The following EYS variants were observed in gnomAD, a reference collection of about 807,000 sequenced individuals.
EYS encodes EGF-like photoreceptor maintenance factor, also known as protein eyes shut homolog.
In EYS, 250 loss-of-function variants were observed where a neutral mutation model predicts 282.1. The ratio of observed to expected loss-of-function variants is 0.89; its 90% CI spans 0.80 to 0.98. The LOEUF (loss-of-function observed/expected upper bound fraction) is 0.98. Ranked by LOEUF, EYS falls within the 50% of genes least tolerant of loss-of-function variation. The probability of loss-of-function intolerance (pLI) is 0.00; values close to 1 mark genes in which losing one functional copy is unlikely to be tolerated. For missense variants in EYS, 4,016 were observed against 3,709.0 expected, an observed-to-expected ratio of 1.08 and a Z score of -2.15; for synonymous variants, 1,355 against 1,282.9, an observed-to-expected ratio of 1.06 and a Z score of -1.20.
chr6:65,333,150 T>G (rs1299618947), intron 11 of EYS, among the ~76,000 whole-genome samples: 1 of 151,506 alleles, frequency 6.6e-6, no homozygotes, highest in Non-Finnish European at 1.5e-5. Context: ...TCCATTGTGT[T>G]GTGGAAGTTT....
intron 1 of EYS, among the ~76,000 whole-genome samples, chr6:65,664,281 AGCACACCAT>A (rs1373613284): frequency 1.3e-5 from 2 of 152,182 alleles, no homozygotes; most frequent in Admixed American, 1.3e-4. Context: ...TATGGGCAAA[AGCACACCAT>A]GCACACAGAA....
chr6:64,530,288 T>G (rs1764284438), intron 26 of EYS, among the ~76,000 whole-genome samples: 1 of 152,034 alleles, frequency 6.6e-6, no homozygotes, highest in Admixed American at 6.6e-5. Context: ...TCATTAAATA[T>G]TTAATGAACA....
intron 11 of EYS, among the ~76,000 whole-genome samples, chr6:65,306,550 T>A (rs879998269): frequency 5.9e-5 from 9 of 151,744 alleles, no homozygotes; most frequent in Non-Finnish European, 1.2e-4. Flanking sequence ...TTTGCTTTTT[T>A]AAAAAATAAA....
chr6:63,792,490 A>G (rs1328731433), intron 37 of EYS, among the ~76,000 whole-genome samples: 1 of 152,176 alleles, frequency 6.6e-6, no homozygotes, highest in African/African-American at 2.4e-5. Flanking sequence ...CCTAATGTAA[A>G]TGACGAGTTA....
chr6:65,361,758 GGCATGCACCACCAT>G (rs1764717816), intron 8 of EYS, among the ~76,000 whole-genome samples: 1 of 152,064 alleles, frequency 6.6e-6, no homozygotes, highest in Admixed American at 6.6e-5. Context: ...TGGGATTACA[GGCATGCACCACCAT>G]GCTCATCCTG....
At chr6:64,643,118 C>CCA (rs1335805051) in intron 22 of EYS, among the ~76,000 whole-genome samples, 1 of 118,892 alleles carries the variant, frequency 8.4e-6, no homozygotes, top group Non-Finnish European at 1.8e-5. Flanking sequence ...TCCATCCCCC[C>CCA]CCCCAAAAAA....
chr6:65,499,958 T>A (rs1766389791), intron 2 of EYS, among the ~76,000 whole-genome samples: 1 of 151,640 alleles, frequency 6.6e-6, no homozygotes, highest in African/African-American at 2.4e-5. Flanking sequence ...GGCCCCATTT[T>A]AAAAATGAGA....
chr6:65,171,557 C>A (rs1031583782), intron 12 of EYS, among the ~76,000 whole-genome samples: 6 of 151,066 alleles, frequency 4.0e-5, no homozygotes, highest in Non-Finnish European at 7.4e-5. Flanking sequence ...TAAAACCCAA[C>A]ACTGAAGTAT....
chr6:64,800,926 T>C (rs1315506761), intron 22 of EYS, among the ~76,000 whole-genome samples: 1 of 152,078 alleles, frequency 6.6e-6, no homozygotes, highest in Non-Finnish European at 1.5e-5. Context: ...TCTGCTATAA[T>C]AGAAGCACAC....
chr6:64,043,352 C>T (rs1013173319), intron 33 of EYS, among the ~76,000 whole-genome samples: 2 of 152,150 alleles, frequency 1.3e-5, no homozygotes, highest in African/African-American at 4.8e-5. Flanking sequence ...ATGTTTATAG[C>T]AACAGGATGA....
intron 33 of EYS, among the ~76,000 whole-genome samples, chr6:64,050,542 C>T (rs1281201737): frequency 1.3e-5 from 2 of 152,058 alleles, no homozygotes; most frequent in African/African-American, 4.8e-5. Flanking sequence ...TCCTAAATGC[C>T]CTTACTGTGT....
rs1217137925 is a variant in EYS at position 64,684,586 on chromosome 6, A to G, written c.3444-58341T>C. Among the ~76,000 whole-genome samples the G allele has an allele frequency of 9.5e-5, 10 of 104,968 alleles. No individual in the cohort carries two copies. In the East Asian group the frequency reaches 2.6e-3, roughly 28 times the overall value. 68.9% of individuals were successfully genotyped at this position (104,968 alleles called of 152,430 possible). A position where few individuals can be genotyped will look rare whatever the true frequency, so the allele number is the denominator to read the frequency against. ...AACAATTATAACACATAATTATAGG[A>G]AAAAAAATATATAGAGAGAGAGATA... On this transcript the variant is annotated intron_variant, in intron 22 of 42. Transcript: ENST00000503581.
chr6:65,117,295 C>A (rs539763520), intron 12 of EYS, among the ~76,000 whole-genome samples: 21 of 152,262 alleles, frequency 1.4e-4, no homozygotes, highest in African/African-American at 5.1e-4. Context: ...AGACAAAGCA[C>A]CTTCTAAAGC....
intron 14 of EYS, among the ~76,000 whole-genome samples, chr6:64,955,194 A>C (rs1442663773): frequency 7.2e-6 from 1 of 139,790 alleles, no homozygotes; most frequent in Non-Finnish European, 1.6e-5. Flanking sequence ...CAAAAAACAA[A>C]CAACCAACAA....
rs1448698809 is a variant in EYS, at chr6:65,505,903, T to C, written c.-332-9910A>G. On this transcript the variant is annotated intron_variant, in intron 2 of 42. Transcript: ENST00000503581. The stretch of plus-strand genomic sequence containing the variant: ...TAATTGCCAATTATATCAAGCTGTT[T>C]TATAGTGCTGACTGGTCAAGCATAT... Among the ~76,000 whole-genome samples, 4 of 152,132 alleles carry C rather than the reference T, an allele frequency of 2.6e-5. No individual in the cohort carries two copies. In the East Asian group the frequency reaches 5.8e-4, roughly 22 times the overall value.
chr6:64,164,968 C>T (rs1764237509), intron 31 of EYS, among the ~76,000 whole-genome samples: 1 of 152,012 alleles, frequency 6.6e-6, no homozygotes, highest in African/African-American at 2.4e-5. Context: ...TTGCATCTTT[C>T]ACTCTCTGAG....
At position 64,061,926 on chromosome 6, in the gene EYS, G is replaced by A. The variant is rs1366047548; in HGVS notation, c.6725+4412C>T. On this transcript the variant is annotated intron_variant, in intron 33 of 42. Coordinates refer to ENST00000503581, the MANE Select transcript of EYS (RefSeq NM_001142800.2). ...AATCACTTGAACCTGGAAGTTGGAG[G>A]TTGCAGTGGGAGCGTGGGCAACAGA... Among the ~76,000 whole-genome samples the A allele has an allele frequency of 3.3e-5, 5 of 151,444 alleles. No individual in the cohort carries two copies. In the East Asian group the frequency reaches 5.9e-4, roughly 18 times the overall value.
chr6:64,976,984 C>G (rs954285838), intron 14 of EYS, among the ~76,000 whole-genome samples: 2 of 151,956 alleles, frequency 1.3e-5, no homozygotes, highest in Non-Finnish European at 2.9e-5. Context: ...CCTCTGCCTC[C>G]TGGGTTCATG....
At chr6:64,072,258 C>A (rs1381041596) in intron 32 of EYS, among the ~76,000 whole-genome samples, 1 of 151,920 alleles carries the variant, frequency 6.6e-6, no homozygotes, top group Non-Finnish European at 1.5e-5. Context: ...ATCCACTTAA[C>A]CCATCTGGGT....
Sources: allele counts gnomAD v4.1 joint callset (sites outside exome capture counted in the v4.1 genomes callset), GRCh38; gene constraint gnomAD v4.1.1; transcripts MANE v1.5; gene names NCBI Gene and HGNC (gene_info 2026-07-23, HGNC 2026-07-21).